AGBL1: variants seen among roughly 807,000 people sequenced by gnomAD.
The protein encoded by AGBL1 is cytosolic carboxypeptidase 4.
Under a neutral mutation model 118.9 loss-of-function variants are expected in AGBL1, and 130 were observed. The observed-to-expected ratio is 1.09, with a 90% CI of 0.95 to 1.26. AGBL1 has a LOEUF of 1.26. Ranked by LOEUF, AGBL1 falls within the 50% of genes most tolerant of loss-of-function variation. AGBL1 has a pLI of 0.00. For synonymous variants in AGBL1, 555 were observed against 478.9 expected, an observed-to-expected ratio of 1.16 and a Z score of -2.08; for missense variants, 1,584 against 1,298.1, an observed-to-expected ratio of 1.22 and a Z score of -3.38.
At chr15:86,577,833 G>C (rs1022235045) in intron 21 of AGBL1, among the ~76,000 whole-genome samples, 1 of 430 alleles carries the variant, frequency 2.3e-3, no homozygotes, top group African/African-American at 0.012. Context: ...CAGAAGTCAA[G>C]AACTGGGGGT....
At chr15:86,902,318 G>A (rs895782219) in intron 22 of AGBL1, among the ~76,000 whole-genome samples, 3 of 152,046 alleles carry the variant, frequency 2.0e-5, no homozygotes, top group Non-Finnish European at 2.9e-5. Flanking sequence ...GGTGGGCAGT[G>A]ATATCTCATT....
At chr15:86,541,283 C>A (rs1293807869) in intron 19 of AGBL1, among the ~76,000 whole-genome samples, 2 of 152,154 alleles carry the variant, frequency 1.3e-5, no homozygotes, top group African/African-American at 4.8e-5. Flanking sequence ...AATGCAAATT[C>A]TTGGGCTCAA....
chr15:86,348,038 T>G (rs944068126), intron 17 of AGBL1, among the ~76,000 whole-genome samples: 1 of 152,146 alleles, frequency 6.6e-6, no homozygotes, highest in Admixed American at 6.6e-5. Context: ...GGAGTGAATC[T>G]GTTGTGTCCC....
In AGBL1 at chr15:86,526,544, G is replaced by GTATATATATA. The variant is rs1555422465; in HGVS notation, c.2685+3626_2685+3635dup. Among the ~76,000 whole-genome samples the GTATATATATA allele has an allele frequency of 4.2e-3, 500 of 119,346 alleles. 2 individuals are homozygous for GTATATATATA. The highest frequency in any genetic ancestry group is 0.014 in the African/African-American group (439 of 30,396). The allele number at this position is 119,346 out of a possible 152,430, so 78.3% of individuals were successfully genotyped here. A position where few individuals can be genotyped will look rare whatever the true frequency, so the allele number is the denominator to read the frequency against. On this transcript the variant is annotated intron_variant, in intron 19 of 22. Transcript: ENST00000614907. ...TGCACACAGATATGTTTGTGTCTGTGTATATATATATATATATATATATAT... is the reference window on the plus strand; with the variant it reads ...TGCACACAGATATGTTTGTGTCTGTGTATATATATATATATATATATATATATATATATAT...
Position 86,893,583 on chromosome 15 carries a change from AT to A in AGBL1, c.3159-13502del, listed in dbSNP as rs145181933. Among the ~76,000 whole-genome samples, 836 of 152,336 alleles carry A rather than the reference AT, an allele frequency of 5.5e-3. 9 individuals are homozygous for A. Among genetic ancestry groups the A allele is most frequent in the African/African-American group, 0.019 (800 of 41,584 alleles). ...ACTCTATCACATCATAAAGTTGCAA[AT>A]TGCTGTATAGGCTGGCTTGGAAGAA... On this transcript the variant is annotated intron_variant, in intron 22 of 22. Coordinates refer to ENST00000614907, the MANE Select transcript of AGBL1 (RefSeq NM_001386094.1).
chr15:86,424,642 G>T (rs951730453), intron 18 of AGBL1, among the ~76,000 whole-genome samples: 2 of 152,134 alleles, frequency 1.3e-5, no homozygotes, highest in African/African-American at 4.8e-5. Flanking sequence ...CTATCCATCT[G>T]ACAAAGGGCT....
intron 18 of AGBL1, among the ~76,000 whole-genome samples, chr15:86,399,897 C>T (rs1241382512): frequency 1.3e-5 from 2 of 152,118 alleles, no homozygotes; most frequent in Non-Finnish European, 2.9e-5. Flanking sequence ...CATCATGGAG[C>T]TCAAGGCACT....
intron 22 of AGBL1, among the ~76,000 whole-genome samples, chr15:86,770,571 G>A (rs758402867): frequency 1.3e-5 from 2 of 151,968 alleles, no homozygotes; most frequent in East Asian, 1.9e-4. Context: ...GCAATTGCAC[G>A]ATGGAGGATT....
intron 21 of AGBL1, among the ~76,000 whole-genome samples, chr15:86,661,282 C>T (rs991026254): frequency 2.0e-5 from 3 of 152,056 alleles, no homozygotes; most frequent in African/African-American, 7.2e-5. Flanking sequence ...AAATGACACC[C>T]TGTACCAAAC....
intron 24 of AGBL1, among the ~76,000 whole-genome samples, chr15:86,997,615 C>G (rs2081391956): frequency 1.3e-5 from 2 of 152,100 alleles, no homozygotes; most frequent in African/African-American, 4.8e-5. Context: ...TCCTCTAGGC[C>G]TAGAGTCTAT....
chr15:86,108,923 C>G (rs1567059518), intron 1 of AGBL1, among the ~76,000 whole-genome samples: 2 of 152,194 alleles, frequency 1.3e-5, no homozygotes, highest in Non-Finnish European at 2.9e-5. Flanking sequence ...CGCCACTGCT[C>G]TCCAACCTGG....
intron 17 of AGBL1, among the ~76,000 whole-genome samples, chr15:86,396,778 C>T (rs2081371532): frequency 6.6e-6 from 1 of 152,068 alleles, no homozygotes; most frequent in South Asian, 2.1e-4. Context: ...TTATTGTCCC[C>T]ATTTTATAGA....
At chr15:86,318,384 T>G (rs1490662000) in intron 17 of AGBL1, among the ~76,000 whole-genome samples, 2 of 152,148 alleles carry the variant, frequency 1.3e-5, no homozygotes, top group African/African-American at 2.4e-5. Context: ...GTTTTTTGAT[T>G]TAATCATATA....
intron 15 of AGBL1, 36 bp downstream of exon 15, chr15:86,271,742 C>A: frequency 6.5e-7 from 1 of 1,548,072 alleles, no homozygotes; most frequent in South Asian, 1.1e-5. Flanking sequence ...TTTTCTCTGT[C>A]CTGTAATTTT....
chr15:86,800,452 C>G (rs1404518686), intron 22 of AGBL1, among the ~76,000 whole-genome samples: 1 of 152,016 alleles, frequency 6.6e-6, no homozygotes, highest in African/African-American at 2.4e-5. Context: ...TAAAGAGATT[C>G]TAGGACAGAA....
chr15:86,194,433 A>G (rs945497583), intron 5 of AGBL1, among the ~76,000 whole-genome samples: 1 of 152,102 alleles, frequency 6.6e-6, no homozygotes, highest in Non-Finnish European at 1.5e-5. Context: ...GCTTTCCACT[A>G]TCCTTGCTAG....
chr15:86,878,438 A>G (rs963770416), intron 22 of AGBL1, among the ~76,000 whole-genome samples: 14 of 152,128 alleles, frequency 9.2e-5, no homozygotes, highest in African/African-American at 3.1e-4. Flanking sequence ...CCTGTTCTGG[A>G]GAAAAATACT....
chr15:86,142,326 C>T (rs900302542), intron 2 of AGBL1, among the ~76,000 whole-genome samples: 2 of 152,204 alleles, frequency 1.3e-5, no homozygotes, highest in African/African-American at 2.4e-5. Context: ...GGTTCTACCC[C>T]TCTTCTCGCC....
chr15:86,830,966 T>A (rs534701173), intron 22 of AGBL1, among the ~76,000 whole-genome samples: 1 of 152,166 alleles, frequency 6.6e-6, no homozygotes, highest in Non-Finnish European at 1.5e-5. Context: ...TTTAATGGAC[T>A]CACAGTTCCA....
Sources: gnomAD v4.1 joint callset for allele counts (sites outside exome capture counted in the v4.1 genomes callset) on GRCh38, gnomAD v4.1.1 for gene constraint, MANE v1.5 for transcripts, NCBI Gene and HGNC (gene_info 2026-07-23, HGNC 2026-07-21) for gene names.